The following SYNE1 variants were observed in gnomAD, a reference collection of about 807,000 sequenced individuals.
SYNE1 encodes nesprin-1.
Under a neutral mutation model 1,111.0 loss-of-function variants are expected in SYNE1, and 616 were observed. The observed-to-expected ratio is 0.55, with a 90% CI of 0.52 to 0.59. The LOEUF (loss-of-function observed/expected upper bound fraction) is 0.59, where lower values mean the gene tolerates loss of function less well. Ranked by LOEUF, SYNE1 falls within the 20% of genes least tolerant of loss-of-function variation. The pLI, the probability that SYNE1 is intolerant of heterozygous loss-of-function variation, is 0.00. For synonymous variants in SYNE1, 3,855 were observed against 3,825.8 expected (o/e 1.01, Z -0.28); for missense variants, 10,006 against 10,417.0 (o/e 0.96, Z 1.72).
At position 152,122,658 on chromosome 6, in the gene SYNE1, G is replaced by C; in HGVS notation, c.26172C>G (p.Ser8724=). Reference sequence around the variant, plus strand: ...GCCCTGGCTCAGAAAGGGAGGAATCGGAGCCACCTTTTGTGGACCTGAGAG... The same window carrying C: ...GCCCTGGCTCAGAAAGGGAGGAATCCGAGCCACCTTTTGTGGACCTGAGAG... ...SPHSRSTKGG[S]DSSLSEPGPG... Residue 8724 remains serine, a synonymous_variant, in exon 146 of 146, where the codon TCC becomes TCG. Coordinates refer to ENST00000367255, the MANE Select transcript of SYNE1 (RefSeq NM_182961.4). The C allele has an allele frequency of 2.5e-6, 4 of 1,613,950 alleles. No homozygotes were observed. The highest frequency in any genetic ancestry group is 3.4e-6 in the Non-Finnish European group (4 of 1,179,936).
intron 56 of SYNE1, among the ~76,000 whole-genome samples, chr6:152,377,274 CAA>C (rs942770532): frequency 6.6e-6 from 1 of 151,868 alleles, no homozygotes; most frequent in African/African-American, 2.4e-5. Flanking sequence ...AAGGTGAAAA[CAA>C]ATTATTTTAA....
intron 3 of SYNE1, among the ~76,000 whole-genome samples, chr6:152,610,554 A>T (rs1284077385): frequency 1.3e-5 from 2 of 152,246 alleles, no homozygotes; most frequent in Non-Finnish European, 2.9e-5. Context: ...GAATGGAACC[A>T]AGTTGGAAAA....
intron 53 of SYNE1, 116 bp downstream of exon 53, chr6:152,390,164 C>T: frequency 8.9e-7 from 1 of 1,126,720 alleles, no homozygotes; most frequent in African/African-American, 1.6e-5. Flanking sequence ...ACAGGCATGC[C>T]TACAAGCTAC....
chr6:152,262,148 C>T lies in SYNE1; in HGVS notation c.18856G>A (p.Gly6286Arg). Residue 6286 changes from glycine (G) to arginine (R), a missense_variant, in exon 101 of 146, where the codon GGG becomes AGG. By Grantham distance (125) the Gly-to-Arg change is moderately radical. Coordinates refer to ENST00000367255, the MANE Select transcript of SYNE1 (RefSeq NM_182961.4). ...TGGTCTTCAGCGGATGATTTCTCCC[C>T]TTCCATCCCCAACTCCTGGGATAAC... ...DVLSQELGME[G>R]EKSSAEDQMR... 6.2e-7 allele frequency: 1 copy of T among 1,613,854 alleles called. No homozygotes were observed. Among genetic ancestry groups the T allele is most frequent in the Non-Finnish European group, 8.5e-7 (1 of 1,179,936 alleles).
At chr6:152,336,310 T>G (rs1006942163) in intron 76 of SYNE1, 1 of 181,648 alleles carries the variant, frequency 5.5e-6, no homozygotes, top group Admixed American at 5.4e-5. Flanking sequence ...TATATTTGAA[T>G]GTCTACTTTA....
intron 98 of SYNE1, among the ~76,000 whole-genome samples, chr6:152,273,431 T>C (rs918874944): frequency 1.3e-5 from 2 of 152,236 alleles, no homozygotes; most frequent in African/African-American, 4.8e-5. Flanking sequence ...GATTATTTTT[T>C]CCACATGTTC....
Position 152,323,515 on chromosome 6 carries a change from T to A in SYNE1, c.15880A>T (p.Met5294Leu). The change falls in exon 82 of 146, where the codon ATG becomes TTG. Residue 5294 changes from methionine (M) to leucine (L), a missense_variant. By Grantham distance (15) the Met-to-Leu change is conservative (BLOSUM62 2). Transcript: ENST00000367255. Reference sequence around the variant, plus strand: ...TCTTGCATGGCGGTGATTTCCTGCATGAGCGGAGGCTCTTCCCCAGGGGTT... The same window carrying A: ...TCTTGCATGGCGGTGATTTCCTGCAAGAGCGGAGGCTCTTCCCCAGGGGTT... ...APTPGEEPPL[M>L]QEITAMQDRC... 1 of 1,614,108 alleles carries A rather than the reference T, an allele frequency of 6.2e-7. No individual in the cohort carries two copies. Among genetic ancestry groups the A allele is most frequent in the Non-Finnish European group, 8.5e-7 (1 of 1,179,992 alleles).
intron 71 of SYNE1, 87 bp from the exon 72 acceptor site, chr6:152,350,422 C>A (rs904459736): frequency 6.4e-6 from 10 of 1,572,062 alleles, no homozygotes; most frequent in Non-Finnish European, 8.7e-6. Flanking sequence ...CAGTGCAACT[C>A]ACAGGGTAGT....
In SYNE1 at chr6:152,165,238, G is replaced by A. The variant is rs762625788; in HGVS notation, c.23628-913C>T. ...TTCTCTGATCAAGACACACTGTTCC[G>A]AAGAAAATGTCTCATAATCAAAGTA... On this transcript the variant is annotated intron_variant, in intron 130 of 145. Coordinates refer to ENST00000367255, the MANE Select transcript of SYNE1 (RefSeq NM_182961.4). Among the ~76,000 whole-genome samples, 111 of 152,252 alleles carry A rather than the reference G, an allele frequency of 7.3e-4. 1 individual carries two copies. The highest frequency in any genetic ancestry group is 1.4e-3 in the Non-Finnish European group (94 of 68,020).
In SYNE1 at chr6:152,321,904, G is replaced by A. The variant is rs775394271; in HGVS notation, c.15918-18C>T. On this transcript the variant is annotated intron_variant, in intron 82 of 145. Coordinates refer to ENST00000367255, the MANE Select transcript of SYNE1 (RefSeq NM_182961.4). ...CCTGCATGCTTCAGAAACATTACAGGGATAAAACAGAAGTGAAGTGAAAGG... is the reference window on the plus strand; with the variant it reads ...CCTGCATGCTTCAGAAACATTACAGAGATAAAACAGAAGTGAAGTGAAAGG... 1 of 1,613,796 alleles carries A rather than the reference G, an allele frequency of 6.2e-7. No homozygotes were observed. Among genetic ancestry groups the A allele is most frequent in the Non-Finnish European group, 8.5e-7 (1 of 1,179,898 alleles).
chr6:152,625,209 G>T (rs1390460074), intron 3 of SYNE1, among the ~76,000 whole-genome samples: 1 of 152,126 alleles, frequency 6.6e-6, no homozygotes, highest in Non-Finnish European at 1.5e-5. Flanking sequence ...CACTTGTTTG[G>T]AGGTTCCAGC....
intron 145 of SYNE1, among the ~76,000 whole-genome samples, chr6:152,124,664 G>A (rs1004782327): frequency 1.0e-4 from 15 of 149,376 alleles, no homozygotes; most frequent in African/African-American, 3.7e-4. Flanking sequence ...CTTGTGCTAA[G>A]ACCAATGAGT....
chr6:152,138,512 AAAATAAATAAAT>A (rs200341649), intron 140 of SYNE1, among the ~76,000 whole-genome samples: 1,637 of 141,832 alleles, frequency 0.012, 21 homozygotes, highest in African/African-American at 0.036. Flanking sequence ...CTCTGTCTCA[AAAATAAATAAAT>A]AAATAAATAA....
At position 152,155,980 on chromosome 6, in the gene SYNE1, G is replaced by T; in HGVS notation, c.23908C>A (p.Gln7970Lys). ...CATDAECDSI[Q>K]QATRNLDRRW... ...CGGTCCAGGTTTCTCGTAGCCTGCT[G>T]TATAGAGTCACACTCGGCATCAGTG... The change falls in exon 132 of 146, where the codon CAG becomes AAG. Residue 7970 changes from glutamine to lysine, a missense_variant. Gln to Lys is a moderately conservative substitution (Grantham distance 53). Around this residue, in one of 7 missense-constraint regions of SYNE1, gnomAD observed 2,182 missense variants for 2,287.8 expected, o/e 0.95. Coordinates refer to ENST00000367255, the MANE Select transcript of SYNE1 (RefSeq NM_182961.4). 6.2e-7 allele frequency: 1 copy of T among 1,614,172 alleles called. No individual in the cohort carries two copies. Among genetic ancestry groups the T allele is most frequent in the Non-Finnish European group, 8.5e-7 (1 of 1,180,042 alleles).
chr6:152,600,999 T>C (rs1294815362), intron 3 of SYNE1, among the ~76,000 whole-genome samples: 1 of 152,244 alleles, frequency 6.6e-6, no homozygotes, highest in Admixed American at 6.5e-5. Context: ...GTATTTACAA[T>C]GTCTTAAAGT....
chr6:152,542,911 A>C lies in SYNE1; in HGVS notation c.68-2890T>G, dbSNP rs1178114263. On this transcript the variant is annotated intron_variant, in intron 3 of 145. Coordinates refer to ENST00000367255, the MANE Select transcript of SYNE1 (RefSeq NM_182961.4). ...AATAGACACAGTTAGATTATATGTA[A>C]ATTGTTTACACTCAACTTGAGATTA... Among the ~76,000 whole-genome samples, 3 of 152,268 alleles carry C rather than the reference A, an allele frequency of 2.0e-5. No homozygotes were observed. The East Asian group carries it at 5.8e-4, about 29-fold the overall frequency.
chr6:152,580,402 C>T (rs1039503141), intron 3 of SYNE1, among the ~76,000 whole-genome samples: 1 of 152,104 alleles, frequency 6.6e-6, no homozygotes, highest in Non-Finnish European at 1.5e-5. Context: ...CTTATGAATT[C>T]TGGATATTAG....
chr6:152,225,742 G>A lies in SYNE1; in HGVS notation c.21330C>T (p.Thr7110=), dbSNP rs75469773. 870 of 1,614,108 alleles carry A rather than the reference G, an allele frequency of 5.4e-4. 2 individuals are homozygous for A. In the African/African-American group the frequency reaches 0.011, roughly 20 times the overall value. ...VMSTLRELGQ[T]WANLDHMVGQ... is the part of the protein sequence containing the mutation. ...TTACCATGTGATCTAAATTTGCCCA[G>A]GTTTGGCCGAGCTCTCGCAGTGTGC... is the stretch of plus-strand genomic sequence containing the variant. The change falls in exon 116 of 146, where the codon ACC becomes ACT. Residue 7110 remains threonine (T), a synonymous_variant. Coordinates refer to ENST00000367255, the MANE Select transcript of SYNE1 (RefSeq NM_182961.4).
At chr6:152,441,324 C>T in intron 31 of SYNE1, 54 bp from the exon 32 acceptor site, 1 of 1,550,288 alleles carries the variant, frequency 6.5e-7, no homozygotes. Flanking sequence ...ACAATACTAT[C>T]ATATTTTCAT....
Sources: gnomAD v4.1 joint callset for allele counts (sites outside exome capture counted in the v4.1 genomes callset) on GRCh38, gnomAD v4.1.1 for gene constraint, gnomAD v4.1.1 regional missense constraint, MANE v1.5 for transcripts, NCBI Gene and HGNC (gene_info 2026-07-23, HGNC 2026-07-21) for gene names.